Variants in C2orf78 observed in about 807,000 individuals in gnomAD.
C2orf78 encodes chromosome 2 open reading frame 78.
A neutral mutation model predicts 21.4 loss-of-function variants in C2orf78; 12 were observed. That is an observed-to-expected ratio of 0.56 (90% CI 0.36 to 0.91). The LOEUF (loss-of-function observed/expected upper bound fraction) is 0.91. Ranked by LOEUF, C2orf78 falls within the 40% of genes least tolerant of loss-of-function variation. C2orf78 has a pLI of 0.01. For missense variants in C2orf78, 1,042 were observed against 1,092.4 expected, an observed-to-expected ratio of 0.95 and a Z score of 0.65; for synonymous variants, 396 against 413.9, an observed-to-expected ratio of 0.96 and a Z score of 0.52.
At chr2:73,809,611 C>A (rs920546291) in intron 1 of C2orf78, among the ~76,000 whole-genome samples, 1 of 152,016 alleles carries the variant, frequency 6.6e-6, no homozygotes, top group East Asian at 1.9e-4. Context: ...CATGGCAAGA[C>A]CCCATCTCTA....
intron 1 of C2orf78, among the ~76,000 whole-genome samples, chr2:73,798,117 C>G (rs1175306694): frequency 7.5e-6 from 1 of 133,196 alleles, no homozygotes; most frequent in East Asian, 2.1e-4. Context: ...CTTTGCTGTT[C>G]AAGTTACAAA....
At chr2:73,817,084 C>A in exon 3 of C2orf78, 11 of 1,277,088 alleles carry the variant, frequency 8.6e-6, no homozygotes, top group East Asian at 2.9e-5. Context: ...ATTTTTAAAA[C>A]ATAATAAAGA....
chr2:73,784,565 A>G (rs1672886416), intron 1 of C2orf78, among the ~76,000 whole-genome samples, 159 bp downstream of exon 1: 1 of 151,404 alleles, frequency 6.6e-6, no homozygotes, highest in South Asian at 2.1e-4. Context: ...GACATTTACT[A>G]GCTGTGTGAC....
Position 73,814,240 on chromosome 2 carries a change from T to A in C2orf78, c.847+14T>A. 1 of 1,542,444 alleles carries A rather than the reference T, an allele frequency of 6.5e-7. No homozygotes were observed. ...CCAGTGTTCAAGGTGAGTACAAACA[T>A]CAAGAAAGGAGAGGAATAATGTCAG... On this transcript the variant is annotated intron_variant, in intron 2 of 2. Coordinates refer to ENST00000409561, the Ensembl canonical transcript of C2orf78.
At chr2:73,786,362 G>C (rs1256577192) in intron 1 of C2orf78, among the ~76,000 whole-genome samples, 13 of 149,900 alleles carry the variant, frequency 8.7e-5, no homozygotes, top group African/African-American at 3.2e-4. Flanking sequence ...CTAGGCGACA[G>C]AGCGAGACTC....
chr2:73,809,925 A>G (rs983369815), intron 1 of C2orf78, among the ~76,000 whole-genome samples: 2 of 152,228 alleles, frequency 1.3e-5, no homozygotes, highest in African/African-American at 4.8e-5. Flanking sequence ...TAATTAAAGC[A>G]GAAAGACAGG....
At chr2:73,784,507 G>A (rs946781504) in intron 1 of C2orf78, 101 bp downstream of exon 1, 2 of 566,120 alleles carry the variant, frequency 3.5e-6, no homozygotes, top group Admixed American at 3.1e-5. Flanking sequence ...GAATAACAGG[G>A]AAAGTATTGA....
At chr2:73,784,731 A>C (rs1195070607) in intron 1 of C2orf78, among the ~76,000 whole-genome samples, 1 of 151,472 alleles carries the variant, frequency 6.6e-6, no homozygotes, top group Admixed American at 6.6e-5. Context: ...GAGAGTGTTC[A>C]TTTCAACAGA....
rs1558543645 is a variant in C2orf78 at position 73,816,343 on chromosome 2, ACT to A, written c.2123_2124del (p.Ser708Ter). 6.2e-7 allele frequency: 1 copy of A among 1,613,392 alleles called. No individual in the cohort carries two copies. The highest frequency in any genetic ancestry group is 1.7e-5 in the Admixed American group (1 of 59,952). ...GAAAAAGAGTGTACATCTCCATCCC[ACT>A]CTGAGTTGCCACCACCTGGGAAGGT... is the stretch of plus-strand genomic sequence containing the variant. On this transcript the variant is annotated frameshift_variant, in exon 3 of 3. Coordinates refer to ENST00000409561, the Ensembl canonical transcript of C2orf78. LOFTEE classifies it low-confidence loss of function (END_TRUNC).
intron 1 of C2orf78, among the ~76,000 whole-genome samples, chr2:73,808,410 T>C (rs1422640310): frequency 1.3e-5 from 2 of 151,194 alleles, no homozygotes; most frequent in Non-Finnish European, 2.9e-5. Flanking sequence ...TGCATAGTAT[T>C]ATATAATATG....
chr2:73,816,742 A>G, exon 3 of C2orf78: 1 of 1,613,974 alleles, frequency 6.2e-7, no homozygotes, highest in South Asian at 1.1e-5. Flanking sequence ...TCACTGCCCA[A>G]GCCTCAAAAT....
chr2:73,813,846 T>C (rs1186684416), exon 2 of C2orf78: 1 of 1,613,968 alleles, frequency 6.2e-7, no homozygotes, highest in Admixed American at 1.7e-5. Context: ...AACACAGCTG[T>C]CTCTTCCATG....
rs416860 is a variant in C2orf78 at position 73,798,103 on chromosome 2, G to T, written c.97+13697G>T. On this transcript the variant is annotated intron_variant, in intron 1 of 2. Transcript: ENST00000409561. ...ATCATTTCCTACAAGGGGCAGTCAAGGAACTTTGCTGTTCAAGTTACAAAA... is the reference window on the plus strand; with the variant it reads ...ATCATTTCCTACAAGGGGCAGTCAATGAACTTTGCTGTTCAAGTTACAAAA... Among the ~76,000 whole-genome samples the T allele has an allele frequency of 8.1e-4, 49 of 60,276 alleles. 16 individuals are homozygous for T. In the East Asian group the frequency reaches 0.013, roughly 16 times the overall value. 39.5% of individuals were successfully genotyped at this position (60,276 alleles called of 152,430 possible). A position where few individuals can be genotyped will look rare whatever the true frequency, so the allele number is the denominator to read the frequency against.
chr2:73,810,240 T>C (rs1673051473), intron 1 of C2orf78, among the ~76,000 whole-genome samples: 1 of 151,994 alleles, frequency 6.6e-6, no homozygotes, highest in South Asian at 2.1e-4. Flanking sequence ...TTTAGAAATA[T>C]GCTTTAGAGG....
chr2:73,811,319 TACAA>T (rs1673084643), intron 1 of C2orf78, among the ~76,000 whole-genome samples: 1 of 152,050 alleles, frequency 6.6e-6, no homozygotes, highest in African/African-American at 2.4e-5. Context: ...TGTTGCTTCC[TACAA>T]ACAAGAAACT....
chr2:73,811,135 AC>A (rs1216663946), intron 1 of C2orf78, among the ~76,000 whole-genome samples: 1 of 151,670 alleles, frequency 6.6e-6, no homozygotes. Context: ...TACTAAAAAT[AC>A]AAAAATTAGC....
exon 3 of C2orf78, chr2:73,816,062 G>A (rs755999588): frequency 6.2e-7 from 1 of 1,613,886 alleles, no homozygotes; most frequent in Non-Finnish European, 8.5e-7. Context: ...ATCAACCTGA[G>A]CTTAGCCAAA....
rs936434264 is a variant in C2orf78, at chr2:73,808,765, T to G, written c.98-4712T>G. The G allele has an allele frequency of 3.3e-6, 5 of 1,516,796 alleles. No homozygotes were observed. In the South Asian group the frequency reaches 6.0e-5, roughly 18 times the overall value. The allele number at this position is 1,516,796 out of a possible 1,614,324, so 94.0% of individuals were successfully genotyped here. ...AATTTGTATCATCACAAGGGGCCAG[T>G]GACCAGTAACCAGTGACCAGTGGCC... On this transcript the variant is annotated intron_variant, in intron 1 of 2. Coordinates refer to ENST00000409561, the Ensembl canonical transcript of C2orf78.
intron 1 of C2orf78, among the ~76,000 whole-genome samples, chr2:73,811,697 T>C (rs1673092784): frequency 6.6e-6 from 1 of 152,150 alleles, no homozygotes; most frequent in Non-Finnish European, 1.5e-5. Context: ...CATTTTTTAA[T>C]TGGATTCTAG....
Sources: gnomAD v4.1 joint callset for allele counts (sites outside exome capture counted in the v4.1 genomes callset) on GRCh38, gnomAD v4.1.1 for gene constraint, MANE v1.5 for transcripts, NCBI Gene and HGNC (gene_info 2026-07-23, HGNC 2026-07-21) for gene names.